The following NUP205 variants were observed in gnomAD, a reference collection of about 807,000 sequenced individuals.
NUP205 encodes nucleoporin 205.
In NUP205, 76 loss-of-function variants were observed where a neutral mutation model predicts 253.8. The ratio of observed to expected loss-of-function variants is 0.30; its 90% CI spans 0.25 to 0.36. NUP205 has a LOEUF of 0.36. Ranked by LOEUF, NUP205 falls within the 10% of genes least tolerant of loss-of-function variation. The probability of loss-of-function intolerance (pLI) is 1.00; values close to 1 mark genes in which losing one functional copy is unlikely to be tolerated. For synonymous variants in NUP205, 832 were observed against 850.1 expected (o/e 0.98, Z 0.37); for missense variants, 2,162 against 2,425.5 (o/e 0.89, Z 2.28).
At chr7:135,558,822 G>C (rs951381632) in intron 1 of NUP205, among the ~76,000 whole-genome samples, 3 of 152,118 alleles carry the variant, frequency 2.0e-5, no homozygotes, top group Non-Finnish European at 4.4e-5. Context: ...TGAAGTTCGC[G>C]GGCAAGATTA....
At chr7:135,567,120 CTATGTGTG>C (rs1430496575) in intron 1 of NUP205, among the ~76,000 whole-genome samples, 1,173 of 53,796 alleles carry the variant, frequency 0.022, 204 homozygotes, top group South Asian at 0.052. Flanking sequence ...CTTGCTCAGT[CTATGTGTG>C]TATATATATA....
chr7:135,558,307 C>A (rs1018756408), intron 1 of NUP205: 3 of 380,480 alleles, frequency 7.9e-6, no homozygotes, highest in Non-Finnish European at 1.5e-5. Context: ...CTGGAATACG[C>A]ATCAGGTCTT....
At position 135,594,698 on chromosome 7, in the gene NUP205, C is replaced by G. The variant is rs765329085; in HGVS notation, c.1982C>G (p.Ala661Gly). 2 of 1,613,642 alleles carry G rather than the reference C, an allele frequency of 1.2e-6. No individual in the cohort carries two copies. The highest frequency in any genetic ancestry group is 3.3e-5 in the Admixed American group (2 of 59,974). The change falls in exon 13 of 43, where the codon GCT becomes GGT. Residue 661 changes from alanine (A) to glycine (G), a missense_variant. By Grantham distance (60) the Ala-to-Gly change is moderately conservative. Around this residue, in one of 5 missense-constraint regions of NUP205, gnomAD observed 892 missense variants for 957.1 expected, o/e 0.93. Coordinates refer to ENST00000285968, the MANE Select transcript of NUP205 (RefSeq NM_015135.3). The part of the protein sequence containing the change: ...AAFGKSPEIA[A>G]SLWQSLEYTQ... The stretch of plus-strand genomic sequence containing the variant: ...TTTGGAAAATCTCCTGAAATTGCTG[C>G]TTCCCTCTGGCAGTCATTGGAATAC...
rs573353183 is a variant in NUP205, at chr7:135,608,822, C to T, written c.3195+1451C>T. 4.6e-5 allele frequency among the ~76,000 whole-genome samples: 7 copies of T among 151,292 alleles called. No homozygotes were observed. In the South Asian group the frequency reaches 6.3e-4, roughly 14 times the overall value. ...AAGTGTTTTAAAAACTAGGCTTGGC[C>T]GCGTGCAGTGACTCACGCCTTTAAT... On this transcript the variant is annotated intron_variant, in intron 22 of 42. Coordinates refer to ENST00000285968, the MANE Select transcript of NUP205 (RefSeq NM_015135.3).
At chr7:135,573,633 A>G (rs1049794303) in intron 2 of NUP205, 21 bp from the exon 3 acceptor site, 1 of 1,599,510 alleles carries the variant, frequency 6.3e-7, no homozygotes, top group African/African-American at 1.3e-5. Context: ...TTTCATAACA[A>G]TTACAATTTT....
At chr7:135,590,541 CTT>C (rs59222729) in intron 10 of NUP205, among the ~76,000 whole-genome samples, 7 of 144,512 alleles carry the variant, frequency 4.8e-5, no homozygotes, top group Non-Finnish European at 6.1e-5. Flanking sequence ...ATCATAAAAC[CTT>C]TTTTTTTTTT....
At chr7:135,588,634 G>A (rs146048565) in intron 10 of NUP205, among the ~76,000 whole-genome samples, 2 of 150,822 alleles carry the variant, frequency 1.3e-5, no homozygotes, top group Non-Finnish European at 1.5e-5. Context: ...AGGCTGGTCT[G>A]TAATTCCTGG....
At chr7:135,558,244 G>T in intron 1 of NUP205, 1 of 493,986 alleles carries the variant, frequency 2.0e-6, no homozygotes, top group Non-Finnish European at 3.7e-6. Context: ...CCAGGGCTGA[G>T]TCTGGTCCCC....
At chr7:135,624,673 G>A (rs549663321) in intron 31 of NUP205, among the ~76,000 whole-genome samples, 2 of 152,036 alleles carry the variant, frequency 1.3e-5, no homozygotes, top group Non-Finnish European at 2.9e-5. Flanking sequence ...CACCGCTCCC[G>A]GCCTAATTTT....
intron 18 of NUP205, among the ~76,000 whole-genome samples, chr7:135,603,614 A>G (rs1420968993): frequency 6.6e-6 from 1 of 151,242 alleles, no homozygotes; most frequent in Non-Finnish European, 1.5e-5. Context: ...GGCTCAGGCG[A>G]TTCTCCCACC....
At chr7:135,587,285 T>C (rs950431570) in intron 8 of NUP205, among the ~76,000 whole-genome samples, 3 of 152,134 alleles carry the variant, frequency 2.0e-5, no homozygotes, top group African/African-American at 7.2e-5. Context: ...TCCAACCCAG[T>C]GAAGAAACAT....
Position 135,594,662 on chromosome 7 carries a change from C to G in NUP205, c.1946C>G (p.Thr649Arg). 6.2e-7 allele frequency: 1 copy of G among 1,613,850 alleles called. No homozygotes were observed. Among genetic ancestry groups the G allele is most frequent in the Non-Finnish European group, 8.5e-7 (1 of 1,179,856 alleles). ...PPVLKAELLK[T>R]LAAFGKSPEI... ...GTCCTAAAAGCTGAGCTACTGAAGA[C>G]ACTCGCAGCTTTTGGAAAATCTCCT... The change falls in exon 13 of 43, where the codon ACA (threonine) becomes AGA (arginine). Residue 649 changes from threonine to arginine, a missense_variant. Physicochemically the swap from Thr to Arg is moderately conservative, Grantham distance 71 (BLOSUM62 -1). Transcript: ENST00000285968.
At chr7:135,603,067 A>T in intron 18 of NUP205, 73 bp downstream of exon 18, 5 of 1,027,682 alleles carry the variant, frequency 4.9e-6, no homozygotes, top group Non-Finnish European at 7.1e-6. Context: ...AAATCTGGTT[A>T]GGTATCTAGT....
chr7:135,602,844 C>T lies in NUP205; in HGVS notation c.2552C>T (p.Ala851Val), dbSNP rs182382758. The T allele has an allele frequency of 9.3e-6, 15 of 1,613,964 alleles. No individual in the cohort carries two copies. The highest frequency in any genetic ancestry group is 6.7e-5 in the Admixed American group (4 of 60,002). ...HLEKAVQHCL[A>V]LLNLTLQKEN... ...GAGAAAGCAGTACAGCATTGCCTTG[C>T]ACTTCTCAATCTTACTCTGCAAAAG... is the stretch of plus-strand genomic sequence containing the variant. The change falls in exon 18 of 43, where the codon GCA becomes GTA. Residue 851 changes from alanine to valine, a missense_variant. By Grantham distance (64) the Ala-to-Val change is moderately conservative. Transcript: ENST00000285968.
intron 36 of NUP205, among the ~76,000 whole-genome samples, chr7:135,636,478 G>A (rs1440097706): frequency 6.6e-6 from 1 of 152,022 alleles, no homozygotes; most frequent in African/African-American, 2.4e-5. Context: ...AGAAAAGATT[G>A]TACTCTCACC....
chr7:135,620,391 G>A (rs534974237), intron 30 of NUP205, among the ~76,000 whole-genome samples: 1 of 152,266 alleles, frequency 6.6e-6, no homozygotes, highest in Non-Finnish European at 1.5e-5. Context: ...AAAATTAGCA[G>A]CCATGGTGGC....
intron 36 of NUP205, among the ~76,000 whole-genome samples, chr7:135,637,393 T>C (rs1211471944): frequency 6.6e-6 from 1 of 151,910 alleles, no homozygotes; most frequent in African/African-American, 2.4e-5. Flanking sequence ...GGAAATACTG[T>C]ATTCTCAGGT....
At chr7:135,568,815 A>G (rs1022323365) in intron 1 of NUP205, among the ~76,000 whole-genome samples, 3 of 152,168 alleles carry the variant, frequency 2.0e-5, no homozygotes, top group South Asian at 4.1e-4. Context: ...CTTTGCTCAC[A>G]CTTGTTCTTG....
intron 1 of NUP205, 56 bp downstream of exon 1, chr7:135,558,028 G>A (rs1805478835): frequency 1.4e-6 from 2 of 1,439,804 alleles, no homozygotes; most frequent in Non-Finnish European, 9.8e-7. Context: ...GGTCTTCATG[G>A]AGAGACGAGA....
Sources: gnomAD v4.1 joint callset for allele counts (sites outside exome capture counted in the v4.1 genomes callset) on GRCh38, gnomAD v4.1.1 for gene constraint, gnomAD v4.1.1 regional missense constraint, MANE v1.5 for transcripts, NCBI Gene and HGNC (gene_info 2026-07-23, HGNC 2026-07-21) for gene names.